Variants in UNC5D observed in about 807,000 individuals in gnomAD.
UNC5D encodes unc-5 netrin receptor D.
Under a neutral mutation model 105.4 loss-of-function variants are expected in UNC5D, and 39 were observed. That is an observed-to-expected ratio of 0.37 (90% CI 0.29 to 0.48). The LOEUF (loss-of-function observed/expected upper bound fraction) is 0.48. Among genes scored for constraint, UNC5D ranks in the 20% least tolerant of loss-of-function variants. The pLI is 0.98. For synonymous variants in UNC5D, 452 were observed against 450.4 expected (o/e 1.00, Z -0.04); for missense variants, 991 against 1,202.4 (o/e 0.82, Z 2.60).
At chr8:35,348,785 T>A (rs1032111738) in intron 1 of UNC5D, among the ~76,000 whole-genome samples, 9 of 151,872 alleles carry the variant, frequency 5.9e-5, no homozygotes, top group African/African-American at 2.2e-4. Context: ...ATACTAAGAA[T>A]GTACCTTTGA....
chr8:35,702,371 C>T (rs1313817136), intron 7 of UNC5D, among the ~76,000 whole-genome samples: 1 of 152,064 alleles, frequency 6.6e-6, no homozygotes, highest in African/African-American at 2.4e-5. Flanking sequence ...CTCAAATAAT[C>T]AAGATCTCTT....
chr8:35,666,625 C>T (rs566365699), intron 4 of UNC5D, among the ~76,000 whole-genome samples: 1 of 152,130 alleles, frequency 6.6e-6, no homozygotes, highest in East Asian at 1.9e-4. Flanking sequence ...TTTAATTGAC[C>T]AGGCTGATTA....
At chr8:35,775,842 G>A (rs540257393) in intron 16 of UNC5D, among the ~76,000 whole-genome samples, 19 of 152,204 alleles carry the variant, frequency 1.2e-4, no homozygotes, top group African/African-American at 4.1e-4. Flanking sequence ...AAGTCAAGAC[G>A]GAGGCATTGC....
At chr8:35,702,719 T>C (rs1468964990) in intron 7 of UNC5D, among the ~76,000 whole-genome samples, 4 of 152,312 alleles carry the variant, frequency 2.6e-5, no homozygotes, top group Admixed American at 1.3e-4. Flanking sequence ...TATTTCCTTT[T>C]GGGAAAATGC....
rs777002483 is a variant in UNC5D at position 35,595,639 on chromosome 8, G to A, written c.552G>A (p.Glu184=). 22 of 1,613,920 alleles carry A rather than the reference G, an allele frequency of 1.4e-5. No homozygotes were observed. Among genetic ancestry groups the A allele is most frequent in the Non-Finnish European group, 1.7e-5 (20 of 1,179,964 alleles). ...TTGTACTGCACTGCCGCCCACCAGA[G>A]GGAGTCCCTGCTGCCGAGGTAAGAC... ...GMIVLHCRPP[E]GVPAAEVEWL... Residue 184 remains glutamate (E), a synonymous_variant, in exon 4 of 17, where the codon GAG becomes GAA. Transcript: ENST00000404895.
Position 35,417,450 on chromosome 8 carries a change from A to G in UNC5D, c.104-131842A>G, listed in dbSNP as rs753237677. ...GTACTTAGATTAAGCTTGGATATAC[A>G]TTTTAAATAGGATTGATGTGGCTAA... is the stretch of plus-strand genomic sequence containing the variant. On this transcript the variant is annotated intron_variant, in intron 1 of 16. Transcript: ENST00000404895. 7.5e-4 allele frequency among the ~76,000 whole-genome samples: 113 copies of G among 150,292 alleles called. 1 individual carries two copies. The highest frequency in any genetic ancestry group is 2.1e-4 in the Non-Finnish European group (14 of 68,034).
rs1444797463 is a variant in UNC5D at position 35,512,566 on chromosome 8, TA to T, written c.104-36725del. Among the ~76,000 whole-genome samples, 170 of 101,612 alleles carry T rather than the reference TA, an allele frequency of 1.7e-3. 11 individuals carry two copies. The highest frequency in any genetic ancestry group is 7.0e-3 in the African/African-American group (160 of 22,910). 66.7% of individuals were successfully genotyped at this position (101,612 alleles called of 152,430 possible). ...ATATATATATATATATATATATATA[TA>T]TATCTGAATAGATTACTAAATGGAG... On this transcript the variant is annotated intron_variant, in intron 1 of 16. Transcript: ENST00000404895.
intron 11 of UNC5D, among the ~76,000 whole-genome samples, chr8:35,739,547 A>G (rs1011906412): frequency 2.6e-5 from 4 of 152,226 alleles, no homozygotes; most frequent in African/African-American, 9.6e-5. Flanking sequence ...AGTGGCCCAG[A>G]GGAGTCTTTA....
intron 1 of UNC5D, among the ~76,000 whole-genome samples, chr8:35,313,497 C>G (rs879599583): frequency 6.6e-6 from 1 of 152,132 alleles, no homozygotes; most frequent in Non-Finnish European, 1.5e-5. Flanking sequence ...GCAAAAAGAA[C>G]AACCAACAAC....
At chr8:35,413,622 A>T (rs1585785911) in intron 1 of UNC5D, among the ~76,000 whole-genome samples, 1 of 152,008 alleles carries the variant, frequency 6.6e-6, no homozygotes, top group East Asian at 1.9e-4. Context: ...AGTCAATTTG[A>T]TCTTGATGAA....
At chr8:35,372,748 C>T (rs1802495440) in intron 1 of UNC5D, among the ~76,000 whole-genome samples, 1 of 152,076 alleles carries the variant, frequency 6.6e-6, no homozygotes, top group Admixed American at 6.5e-5. Flanking sequence ...GGACTATAGG[C>T]AATTGTGATC....
At chr8:35,298,710 A>C (rs1421259199) in intron 1 of UNC5D, among the ~76,000 whole-genome samples, 2 of 151,944 alleles carry the variant, frequency 1.3e-5, no homozygotes, top group Admixed American at 1.3e-4. Flanking sequence ...TATCCTAAGA[A>C]AGTAAAGCAA....
Position 35,580,469 on chromosome 8 carries a change from C to T in UNC5D, c.466+12228C>T, listed in dbSNP as rs181659562. Among the ~76,000 whole-genome samples the T allele has an allele frequency of 4.4e-4, 66 of 151,716 alleles. 1 individual carries two copies. Among genetic ancestry groups the T allele is most frequent in the African/African-American group, 1.4e-3 (57 of 41,366 alleles). The stretch of plus-strand genomic sequence containing the variant: ...AAAAACAAAAACAAAAACAAAAAAA[C>T]AACCAGCAGAACATGAGTGAAAATC... On this transcript the variant is annotated intron_variant, in intron 3 of 16. Coordinates refer to ENST00000404895, the MANE Select transcript of UNC5D (RefSeq NM_080872.4).
intron 1 of UNC5D, among the ~76,000 whole-genome samples, chr8:35,446,138 G>C (rs1242289274): frequency 6.6e-6 from 1 of 151,732 alleles, no homozygotes; most frequent in Non-Finnish European, 1.5e-5. Flanking sequence ...TCAATTTGTA[G>C]CCTTTTACTC....
chr8:35,359,897 T>A (rs2128917047), intron 1 of UNC5D, among the ~76,000 whole-genome samples: 1 of 152,294 alleles, frequency 6.6e-6, no homozygotes. Flanking sequence ...ACCTGAACTT[T>A]AATGCAGTGA....
At chr8:35,298,651 G>A (rs1346215197) in intron 1 of UNC5D, among the ~76,000 whole-genome samples, 1 of 127,922 alleles carries the variant, frequency 7.8e-6, no homozygotes, top group East Asian at 2.5e-4. Flanking sequence ...GTATGTGTAT[G>A]TTGAGTAGGG....
chr8:35,243,344 T>C (rs1338346327), intron 1 of UNC5D, among the ~76,000 whole-genome samples: 2 of 152,304 alleles, frequency 1.3e-5, no homozygotes, highest in East Asian at 3.9e-4. Flanking sequence ...CCTGATGCAA[T>C]ATAAAGCATT....
intron 4 of UNC5D, among the ~76,000 whole-genome samples, chr8:35,627,372 AG>A (rs1821751377): frequency 6.6e-6 from 1 of 152,180 alleles, no homozygotes; most frequent in Non-Finnish European, 1.5e-5. Flanking sequence ...ACAGAGAATC[AG>A]GGGAGCTGCA....
chr8:35,674,716 C>T (rs16884219), intron 4 of UNC5D, among the ~76,000 whole-genome samples: 1,872 of 152,260 alleles, frequency 0.012, 52 homozygotes, highest in African/African-American at 0.043. Flanking sequence ...CTCGTGCTTC[C>T]GGGAATCCCA....
Sources: gnomAD v4.1 joint callset for allele counts (sites outside exome capture counted in the v4.1 genomes callset) on GRCh38, gnomAD v4.1.1 for gene constraint, MANE v1.5 for transcripts, NCBI Gene and HGNC (gene_info 2026-07-23, HGNC 2026-07-21) for gene names.